The following MIA3 variants were observed in gnomAD, a reference collection of about 807,000 sequenced individuals.
MIA3 encodes MIA SH3 domain ER export factor 3.
A neutral mutation model predicts 192.4 loss-of-function variants in MIA3; 90 were observed. That is an observed-to-expected ratio of 0.47 (90% confidence interval 0.39 to 0.56). The LOEUF is 0.56. Ranked by LOEUF, MIA3 falls within the 20% of genes least tolerant of loss-of-function variation. The pLI is 0.00. For synonymous variants in MIA3, 740 were observed against 792.8 expected, an observed-to-expected ratio of 0.93 and a Z score of 1.12; for missense variants, 2,123 against 2,269.4, an observed-to-expected ratio of 0.94 and a Z score of 1.31.
rs767158709 is a variant in MIA3, at chr1:222,627,836, A to G, written c.616A>G (p.Thr206Ala). 5.6e-6 allele frequency: 9 copies of G among 1,614,042 alleles called. No homozygotes were observed. The highest frequency in any genetic ancestry group is 7.6e-6 in the Non-Finnish European group (9 of 1,180,016). Residue 206 changes from threonine (T) to alanine (A), a missense_variant, in exon 4 of 28, where the codon ACT becomes GCT. Physicochemically the swap from Thr to Ala is moderately conservative, Grantham distance 58 (BLOSUM62 0). Transcript: ENST00000344922. ...TGAGGATCTTCAGGAACAGTTTACA[A>G]CTCAGAAGCACCACTCCCATGCAAA... ...NTEDLQEQFT[T>A]QKHHSHANSQ... is the part of the protein sequence containing the mutation.
Position 222,659,665 on chromosome 1 carries a change from T to G in MIA3, c.4806+8T>G. The G allele has an allele frequency of 6.2e-7, 1 of 1,613,952 alleles. No individual in the cohort carries two copies. The highest frequency in any genetic ancestry group is 1.1e-5 in the South Asian group (1 of 91,054). On this transcript the variant is annotated splice_region_variant and intron_variant, in intron 21 of 27. Transcript: ENST00000344922. Reference sequence around the variant, plus strand: ...AAAGCTCATGAAAACTGGGTAAGATTTCTTTTTTTCTTTCCCTTATTTTGT... The same window carrying G: ...AAAGCTCATGAAAACTGGGTAAGATGTCTTTTTTTCTTTCCCTTATTTTGT...
At chr1:222,651,814 T>G (rs1290447684) in intron 11 of MIA3, among the ~76,000 whole-genome samples, 163 bp from the exon 12 acceptor site, 9 of 152,198 alleles carry the variant, frequency 5.9e-5, no homozygotes, top group Non-Finnish European at 1.3e-4. Flanking sequence ...CCTCTTTAAG[T>G]TCTTGATTTT....
In MIA3 at chr1:222,653,152, A is replaced by G. The variant is rs150584226; in HGVS notation, c.4209+22A>G. 3 of 1,597,666 alleles carry G rather than the reference A, an allele frequency of 1.9e-6. No individual in the cohort carries two copies. The African/African-American group carries it at 4.0e-5, about 21-fold the overall frequency. ...TAATGTAAGTGCGTTCATGAATACAAGCTTAATTCTTGTGAATTATCAAAT... is the reference window on the plus strand; with the variant it reads ...TAATGTAAGTGCGTTCATGAATACAGGCTTAATTCTTGTGAATTATCAAAT... On this transcript the variant is annotated intron_variant, in intron 14 of 27. Coordinates refer to ENST00000344922, the MANE Select transcript of MIA3 (RefSeq NM_198551.4).
chr1:222,658,869 T>C lies in MIA3; in HGVS notation c.4709+46T>C, dbSNP rs192437452. The C allele has an allele frequency of 2.3e-6, 3 of 1,311,592 alleles. No homozygotes were observed. The African/African-American group carries it at 4.4e-5, about 19-fold the overall frequency. 81.2% of individuals were successfully genotyped at this position (1,311,592 alleles called of 1,614,324 possible). ...GGGTATCAGTGGCTAATGAAACTAG[T>C]GTTGGCTTTTTTTATTAGCACAAAA... On this transcript the variant is annotated intron_variant, in intron 19 of 27. Transcript: ENST00000344922.
rs1664292988 is a variant in MIA3, at chr1:222,666,484, T to A, written c.*865T>A. 6.6e-6 allele frequency: 1 copy of A among 152,086 alleles called. No homozygotes were observed. Among genetic ancestry groups the A allele is most frequent in the Non-Finnish European group, 1.5e-5 (1 of 68,018 alleles). 9.4% of individuals were successfully genotyped at this position (152,086 alleles called of 1,614,324 possible). A position where few individuals can be genotyped will look rare whatever the true frequency, so the allele number is the denominator to read the frequency against. The stretch of plus-strand genomic sequence containing the variant: ...GTGCACAACAGAAAAATGAAAATGA[T>A]GTGTCATGGCCATAAAAGTATAGAA... On this transcript the variant is annotated 3_prime_UTR_variant, in exon 28 of 28. Transcript: ENST00000344922.
In MIA3 at chr1:222,659,363, A is replaced by G. The variant is rs984860817; in HGVS notation, c.4710-90A>G. 7.1e-6 allele frequency: 8 copies of G among 1,123,430 alleles called. No individual in the cohort carries two copies. In the South Asian group the frequency reaches 9.3e-5, roughly 13 times the overall value. The allele number at this position is 1,123,430 out of a possible 1,614,324, so 69.6% of individuals were successfully genotyped here. The stretch of plus-strand genomic sequence containing the variant: ...ATTTCTGGATAAGCTCTATTAGGGT[A>G]CAGTTGTTAGGGTAACGGTTAACAT... On this transcript the variant is annotated intron_variant, in intron 19 of 27. Transcript: ENST00000344922.
chr1:222,644,253 G>T, intron 6 of MIA3: 3 of 1,353,506 alleles, frequency 2.2e-6, no homozygotes, highest in Non-Finnish European at 2.9e-6. Context: ...CCCCGCCCTC[G>T]CCGGCCGGCT....
In MIA3 at chr1:222,659,653, A is replaced by G; in HGVS notation, c.4802A>G (p.Asn1601Ser). 1 of 1,613,948 alleles carries G rather than the reference A, an allele frequency of 6.2e-7. No homozygotes were observed. Among genetic ancestry groups the G allele is most frequent in the Non-Finnish European group, 8.5e-7 (1 of 1,179,932 alleles). Residue 1601 changes from asparagine to serine, a missense_variant, in exon 21 of 28, where the codon AAC becomes AGC. Asn to Ser is a conservative substitution (Grantham distance 46). Around this residue, in one of 3 missense-constraint regions of MIA3, gnomAD observed 762 missense variants for 856.4 expected, o/e 0.89. Transcript: ENST00000344922. The stretch of plus-strand genomic sequence containing the variant: ...ACCCATGAGAAGAAAGCTCATGAAA[A>G]CTGGGTAAGATTTCTTTTTTTCTTT... Reference protein sequence around the residue: ...IATHEKKAHENWLKARAAERA... With the variant: ...IATHEKKAHESWLKARAAERA...
At position 222,618,156 on chromosome 1, in the gene MIA3, C is replaced by T. The variant is rs868357179; in HGVS notation, c.46C>T (p.Leu16=). The change falls in exon 1 of 28, where the codon CTG becomes TTG. Residue 16 remains leucine (L), a synonymous_variant. Coordinates refer to ENST00000344922, the MANE Select transcript of MIA3 (RefSeq NM_198551.4). ...GCTCGTCTGGCTGCTCGTGCTCCGG[C>T]TGCCCTGGCGGGTGCCGGGCCAGCT... The part of the protein sequence containing the change: ...GLLVWLLVLR[L]PWRVPGQLDP... 1 of 1,509,726 alleles carries T rather than the reference C, an allele frequency of 6.6e-7. No individual in the cohort carries two copies. The highest frequency in any genetic ancestry group is 2.0e-5 in the Admixed American group (1 of 48,834). 93.5% of individuals were successfully genotyped at this position (1,509,726 alleles called of 1,614,324 possible).
chr1:222,646,289 G>T (rs1271356187), intron 7 of MIA3, among the ~76,000 whole-genome samples: 1 of 151,872 alleles, frequency 6.6e-6, no homozygotes, highest in Non-Finnish European at 1.5e-5. Flanking sequence ...TGTGGCACAT[G>T]CCTGTAATCC....
At position 222,653,010 on chromosome 1, in the gene MIA3, G is replaced by A. The variant is rs770722280; in HGVS notation, c.4089G>A (p.Leu1363=). 1.2e-6 allele frequency: 2 copies of A among 1,610,040 alleles called. No individual in the cohort carries two copies. Among genetic ancestry groups the A allele is most frequent in the Admixed American group, 3.3e-5 (2 of 59,812 alleles). ...AATCATGTGTTTTAACTTTGCAGTT[G>A]CAGCAGGAAATCGAAGACTGGAGTA... is the stretch of plus-strand genomic sequence containing the variant. ...NARLKKKKEQ[L]QQEIEDWSKL... The change falls in exon 14 of 28, where the codon TTG becomes TTA. Residue 1363 remains leucine (L), a splice_region_variant and synonymous_variant. Transcript: ENST00000344922.
chr1:222,651,970 A>AT lies in MIA3; in HGVS notation c.3910-6dup, dbSNP rs1309930829. Reference sequence around the variant, plus strand: ...TATGCATTTTGTGTTCTGTTTTTACATGGCAGATATCAGAAAACAAGAAAT... The same window carrying AT: ...TATGCATTTTGTGTTCTGTTTTTACATTGGCAGATATCAGAAAACAAGAAAT... On this transcript the variant is annotated splice_polypyrimidine_tract_variant and splice_region_variant and intron_variant, in intron 11 of 27. Transcript: ENST00000344922. 3 of 1,481,350 alleles carry AT rather than the reference A, an allele frequency of 2.0e-6. No homozygotes were observed. In the South Asian group the frequency reaches 3.4e-5, roughly 17 times the overall value. 91.8% of individuals were successfully genotyped at this position (1,481,350 alleles called of 1,614,324 possible). A position where few individuals can be genotyped will look rare whatever the true frequency, so the allele number is the denominator to read the frequency against.
Position 222,645,610 on chromosome 1 carries a change from A to G in MIA3, c.3534A>G (p.Pro1178=), listed in dbSNP as rs762922916. The change falls in exon 7 of 28, where the codon CCA becomes CCG. Residue 1178 remains proline (P), a synonymous_variant. Coordinates refer to ENST00000344922, the MANE Select transcript of MIA3 (RefSeq NM_198551.4). ...VQPGPDFYGL[P]WKPVFITAFL... ...CTGGGCCTGATTTTTATGGACTGCC[A>G]TGGAAACCTGTATTTATCACTGCCT... 3 of 1,613,862 alleles carry G rather than the reference A, an allele frequency of 1.9e-6. No homozygotes were observed. Among genetic ancestry groups the G allele is most frequent in the Non-Finnish European group, 2.5e-6 (3 of 1,179,830 alleles).
chr1:222,642,374 C>T (rs914205569), intron 6 of MIA3, among the ~76,000 whole-genome samples: 5 of 152,130 alleles, frequency 3.3e-5, no homozygotes, highest in African/African-American at 1.2e-4. Flanking sequence ...TGTATTCTGA[C>T]AGCATACCCT....
Position 222,628,549 on chromosome 1 carries a change from T to A in MIA3, c.1329T>A (p.Gly443=). 2 of 1,614,184 alleles carry A rather than the reference T, an allele frequency of 1.2e-6. No homozygotes were observed. The highest frequency in any genetic ancestry group is 1.1e-5 in the South Asian group (1 of 91,070). The change falls in exon 4 of 28, where the codon GGT becomes GGA. Residue 443 remains glycine (G), a synonymous_variant. Transcript: ENST00000344922. Reference sequence around the variant, plus strand: ...GTGACCCTGACAATGTAGATGATGGTCTTTTTATTGTAGACATTCCTAAAA... The same window carrying A: ...GTGACCCTGACAATGTAGATGATGGACTTTTTATTGTAGACATTCCTAAAA... ...DYSDPDNVDD[G]LFIVDIPKTN...
chr1:222,644,819 G>A (rs1663058784), intron 6 of MIA3, among the ~76,000 whole-genome samples: 2 of 149,758 alleles, frequency 1.3e-5, no homozygotes, highest in Admixed American at 1.3e-4. Flanking sequence ...AGCACTTTAT[G>A]TTCTGGTGTG....
intron 7 of MIA3, 158 bp downstream of exon 7, chr1:222,645,843 A>G: frequency 3.1e-6 from 2 of 637,522 alleles, no homozygotes; most frequent in Non-Finnish European, 5.0e-6. Context: ...TGTGTTGGTA[A>G]ATTCTTAAGT....
intron 3 of MIA3, among the ~76,000 whole-genome samples, chr1:222,626,990 A>G (rs1571863520): frequency 6.6e-6 from 1 of 152,364 alleles, no homozygotes; most frequent in South Asian, 2.1e-4. Context: ...CATCAGGCAT[A>G]GATGATGGGA....
rs1349511466 is a variant in MIA3 at position 222,629,681 on chromosome 1, G to A, written c.2461G>A (p.Ala821Thr). Residue 821 changes from alanine (A) to threonine (T), a missense_variant, in exon 4 of 28, where the codon GCA (alanine) becomes ACA (threonine). Physicochemically the swap from Ala to Thr is moderately conservative, Grantham distance 58. This residue lies in a region of MIA3 where 1,357 missense variants were observed against 1,396.1 expected (regional missense o/e 0.97). Coordinates refer to ENST00000344922, the MANE Select transcript of MIA3 (RefSeq NM_198551.4). The stretch of plus-strand genomic sequence containing the variant: ...AGAACGCCCTCTGGCAGATAAGAAA[G>A]CACAGAGACCATTTGAACGAAGTGA... ...EKERPLADKKAQRPFERSDFS... is the reference protein window; with the variant it reads ...EKERPLADKKTQRPFERSDFS... 6.2e-7 allele frequency: 1 copy of A among 1,614,148 alleles called. No homozygotes were observed. Among genetic ancestry groups the A allele is most frequent in the Non-Finnish European group, 8.5e-7 (1 of 1,180,016 alleles).
Sources: gnomAD v4.1 joint callset for allele counts (sites outside exome capture counted in the v4.1 genomes callset) on GRCh38, gnomAD v4.1.1 for gene constraint, gnomAD v4.1.1 regional missense constraint, MANE v1.5 for transcripts, NCBI Gene and HGNC (gene_info 2026-07-23, HGNC 2026-07-21) for gene names.